Variants in CRPPA observed in about 807,000 individuals in gnomAD.
CRPPA encodes the protein CDP-L-ribitol pyrophosphorylase A, also known as D-ribitol-5-phosphate cytidylyltransferase.
In CRPPA, 43 loss-of-function variants were observed where a neutral mutation model predicts 52.0. That is an observed-to-expected ratio of 0.83 (90% CI 0.65 to 1.07). CRPPA has a LOEUF of 1.07. Among genes scored for constraint, CRPPA ranks in the 50% least tolerant of loss-of-function variants. CRPPA has a pLI of 0.00. For missense variants in CRPPA, 629 were observed against 551.7 expected, an observed-to-expected ratio of 1.14 and a Z score of -1.40; for synonymous variants, 250 against 203.5, an observed-to-expected ratio of 1.23 and a Z score of -1.94.
chr7:16,213,526 A>T (rs769705216), intron 9 of CRPPA, among the ~76,000 whole-genome samples: 2 of 152,042 alleles, frequency 1.3e-5, no homozygotes, highest in Non-Finnish European at 2.9e-5. Context: ...AGGTGGGTGG[A>T]TCACCTGAGA....
chr7:16,118,334 C>A (rs553553461), intron 9 of CRPPA, among the ~76,000 whole-genome samples: 5 of 152,198 alleles, frequency 3.3e-5, no homozygotes, highest in Admixed American at 2.0e-4. Context: ...AAGAACACAT[C>A]TTACTTGGCC....
At chr7:16,179,247 A>C (rs981363277) in intron 9 of CRPPA, among the ~76,000 whole-genome samples, 1 of 152,122 alleles carries the variant, frequency 6.6e-6, no homozygotes, top group Non-Finnish European at 1.5e-5. Flanking sequence ...CTATCCTATA[A>C]AAATTTTAAA....
intron 9 of CRPPA, among the ~76,000 whole-genome samples, chr7:16,135,269 T>C (rs1490678696): frequency 6.6e-6 from 1 of 152,208 alleles, no homozygotes; most frequent in Non-Finnish European, 1.5e-5. Context: ...AAGTATAGTG[T>C]CAAGCAAAAT....
At chr7:16,345,693 G>A (rs2128306909) in intron 3 of CRPPA, among the ~76,000 whole-genome samples, 1 of 152,234 alleles carries the variant, frequency 6.6e-6, no homozygotes, top group East Asian at 1.9e-4. Context: ...CAGACATACT[G>A]GAGGCTATAC....
chr7:16,143,189 G>A (rs1782906904), intron 9 of CRPPA, among the ~76,000 whole-genome samples: 1 of 152,066 alleles, frequency 6.6e-6, no homozygotes, highest in East Asian at 1.9e-4. Context: ...AACAAAAACA[G>A]AAAACCTCAC....
chr7:16,370,349 C>T (rs1438762025), intron 3 of CRPPA, among the ~76,000 whole-genome samples: 1 of 152,132 alleles, frequency 6.6e-6, no homozygotes, highest in Non-Finnish European at 1.5e-5. Flanking sequence ...GGAAATAAGC[C>T]AATGTACAAC....
At chr7:16,186,918 G>GTTAACCTACGTAGGAAAGTTAACCTACGT (rs1781515810) in intron 9 of CRPPA, among the ~76,000 whole-genome samples, 2 of 152,242 alleles carry the variant, frequency 1.3e-5, no homozygotes, top group South Asian at 2.1e-4. Flanking sequence ...TGGAAAGTTT[G>GTTAACCTACGTAGGAAAGTTAACCTACGT]CTGAAAGAAT....
intron 5 of CRPPA, among the ~76,000 whole-genome samples, chr7:16,280,226 G>A (rs528827047): frequency 5.6e-4 from 86 of 152,336 alleles, no homozygotes; most frequent in Admixed American, 1.8e-3. Context: ...GAGTTCTAAA[G>A]TGGGATACTT....
intron 9 of CRPPA, among the ~76,000 whole-genome samples, chr7:16,207,673 C>A (rs900278290): frequency 6.6e-6 from 1 of 152,162 alleles, no homozygotes; most frequent in Non-Finnish European, 1.5e-5. Context: ...TTTTGCAAAG[C>A]CTAATTATTC....
chr7:16,215,637 A>C (rs1472189276), intron 9 of CRPPA, among the ~76,000 whole-genome samples: 1 of 152,236 alleles, frequency 6.6e-6, no homozygotes, highest in Admixed American at 6.5e-5. Context: ...CATAAAAGTA[A>C]ATAATCTTAA....
intron 9 of CRPPA, among the ~76,000 whole-genome samples, chr7:16,178,182 G>T (rs116637387): frequency 6.6e-6 from 1 of 152,146 alleles, no homozygotes; most frequent in African/African-American, 2.4e-5. Flanking sequence ...GAATTTACAG[G>T]GGGAGTGCTT....
chr7:16,359,715 T>A (rs1018266809), intron 3 of CRPPA, among the ~76,000 whole-genome samples: 22 of 152,168 alleles, frequency 1.4e-4, no homozygotes, highest in African/African-American at 5.3e-4. Context: ...AAAACAAAAA[T>A]CCTTTGACAG....
chr7:16,408,824 G>C (rs1258330497), intron 1 of CRPPA, among the ~76,000 whole-genome samples: 1 of 152,224 alleles, frequency 6.6e-6, no homozygotes, highest in African/African-American at 2.4e-5. Flanking sequence ...GGTCGCAGGA[G>C]AGTCACTGGA....
At chr7:16,208,731 A>G (rs1782034708) in intron 9 of CRPPA, among the ~76,000 whole-genome samples, 1 of 152,192 alleles carries the variant, frequency 6.6e-6, no homozygotes, top group Non-Finnish European at 1.5e-5. Context: ...CCCATTCTTC[A>G]TATGTATGCC....
intron 9 of CRPPA, among the ~76,000 whole-genome samples, chr7:16,207,995 T>G (rs978196927): frequency 1.3e-5 from 2 of 152,182 alleles, no homozygotes; most frequent in African/African-American, 4.8e-5. Flanking sequence ...TGGAAATACC[T>G]TTCTACAACC....
chr7:16,293,104 C>T (rs1403486446), intron 5 of CRPPA, among the ~76,000 whole-genome samples: 1 of 151,782 alleles, frequency 6.6e-6, no homozygotes, highest in Non-Finnish European at 1.5e-5. Flanking sequence ...TTGTATTTTA[C>T]AAGAAACTCA....
In CRPPA at chr7:16,283,398, C is replaced by T. The variant is rs966720631; in HGVS notation, c.836-5172G>A. On this transcript the variant is annotated intron_variant, in intron 5 of 9. Transcript: ENST00000407010. ...AGAACACAAATAGCTTCCCTTTTAT[C>T]TACCTAGATTCACTAATATATCACA... Among the ~76,000 whole-genome samples, 3 of 150,282 alleles carry T rather than the reference C, an allele frequency of 2.0e-5. No homozygotes were observed. In the Admixed American group the frequency reaches 2.0e-4, roughly 10 times the overall value.
intron 1 of CRPPA, among the ~76,000 whole-genome samples, chr7:16,419,829 C>T (rs1306604894): frequency 6.6e-6 from 1 of 152,050 alleles, no homozygotes; most frequent in Non-Finnish European, 1.5e-5. Context: ...AACTCCGATC[C>T]CGAAATGCTC....
intron 8 of CRPPA, among the ~76,000 whole-genome samples, chr7:16,255,497 A>T (rs1207706867): frequency 6.6e-6 from 1 of 152,136 alleles, no homozygotes; most frequent in Non-Finnish European, 1.5e-5. Flanking sequence ...AATCCTAAGC[A>T]AAAAGAACAA....
Sources: allele counts gnomAD v4.1 joint callset (sites outside exome capture counted in the v4.1 genomes callset), GRCh38; gene constraint gnomAD v4.1.1; transcripts MANE v1.5; gene names NCBI Gene and HGNC (gene_info 2026-07-23, HGNC 2026-07-21).